TNNI3K: variants seen among roughly 807,000 people sequenced by gnomAD.
The protein encoded by TNNI3K is serine/threonine-protein kinase TNNI3K.
TNNI3K carries 140 observed loss-of-function variants against 114.5 expected under a neutral mutation model. That is an observed-to-expected ratio of 1.22 (90% CI 1.07 to 1.41). The LOEUF is 1.41. Ranked by LOEUF, TNNI3K falls within the 40% of genes most tolerant of loss-of-function variation. The pLI is 0.00. For synonymous variants in TNNI3K, 347 were observed against 347.5 expected (o/e 1.00, Z 0.02); for missense variants, 1,125 against 1,007.6 (o/e 1.12, Z -1.58).
At chr1:74,353,170 T>A in intron 9 of TNNI3K, 96 bp from the exon 10 acceptor site, 1 of 1,270,690 alleles carries the variant, frequency 7.9e-7, no homozygotes, top group Admixed American at 2.3e-5. Flanking sequence ...GGGTTATAAC[T>A]TCAGCATATG....
intron 4 of TNNI3K, among the ~76,000 whole-genome samples, chr1:74,266,078 C>CA (rs1655965839): frequency 6.6e-6 from 1 of 152,020 alleles, no homozygotes; most frequent in African/African-American, 2.4e-5. Flanking sequence ...TTATTATTCT[C>CA]ATGGATTCTT....
chr1:74,294,448 G>A (rs1244990414), intron 5 of TNNI3K, among the ~76,000 whole-genome samples: 1 of 151,934 alleles, frequency 6.6e-6, no homozygotes, highest in Non-Finnish European at 1.5e-5. Context: ...ACTGACACTG[G>A]CTCAGGGTGC....
intron 17 of TNNI3K, among the ~76,000 whole-genome samples, chr1:74,398,848 A>G (rs951380407): frequency 8.5e-5 from 13 of 152,076 alleles, no homozygotes; most frequent in African/African-American, 3.1e-4. Flanking sequence ...CTCAAAAAGC[A>G]TACTACTAAA....
chr1:74,408,197 A>G (rs1396989001), intron 17 of TNNI3K, among the ~76,000 whole-genome samples: 2 of 152,208 alleles, frequency 1.3e-5, no homozygotes, highest in Non-Finnish European at 2.9e-5. Flanking sequence ...AATACAGTGC[A>G]TGGGTAGGAC....
intron 11 of TNNI3K, among the ~76,000 whole-genome samples, chr1:74,360,531 C>T (rs1410866491): frequency 2.6e-5 from 4 of 152,054 alleles, no homozygotes; most frequent in East Asian, 3.9e-4. Context: ...CCTGTGAGGC[C>T]GTGTCACTTC....
intron 21 of TNNI3K, chr1:74,470,273 C>G: frequency 2.5e-6 from 1 of 400,634 alleles, no homozygotes; most frequent in Admixed American, 4.4e-5. Flanking sequence ...GTTCCATTTT[C>G]CCAAGTTTGC....
chr1:74,506,917 A>G (rs1375265130), intron 23 of TNNI3K, among the ~76,000 whole-genome samples: 1 of 152,022 alleles, frequency 6.6e-6, no homozygotes, highest in Admixed American at 6.6e-5. Context: ...TTCATTTACC[A>G]CTTTCTACTT....
intron 23 of TNNI3K, among the ~76,000 whole-genome samples, chr1:74,532,805 G>A (rs1368407556): frequency 6.6e-6 from 1 of 151,986 alleles, no homozygotes; most frequent in Non-Finnish European, 1.5e-5. Context: ...AGAAAAACAA[G>A]CAATGGGGAA....
intron 5 of TNNI3K, among the ~76,000 whole-genome samples, chr1:74,284,508 T>C (rs1243879235): frequency 1.3e-5 from 2 of 152,218 alleles, no homozygotes; most frequent in Non-Finnish European, 2.9e-5. Context: ...GTTTTTGCCA[T>C]TATTTTTAAT....
At chr1:74,279,265 C>G (rs77150073) in intron 5 of TNNI3K, among the ~76,000 whole-genome samples, 4,756 of 152,278 alleles carry the variant, frequency 0.031, 262 homozygotes, top group African/African-American at 0.11. Flanking sequence ...CAGGCTCACT[C>G]TTTGCATTCT....
At chr1:74,410,432 A>G (rs982500111) in intron 17 of TNNI3K, among the ~76,000 whole-genome samples, 3 of 152,208 alleles carry the variant, frequency 2.0e-5, no homozygotes, top group East Asian at 3.8e-4. Context: ...GGCTCCCTCA[A>G]TATATGAATC....
chr1:74,516,424 C>T (rs893537302), intron 23 of TNNI3K, among the ~76,000 whole-genome samples: 3 of 152,114 alleles, frequency 2.0e-5, no homozygotes, highest in South Asian at 2.1e-4. Context: ...ATATCAAATC[C>T]GTACAATACA....
intron 23 of TNNI3K, among the ~76,000 whole-genome samples, chr1:74,525,796 G>A (rs1307126826): frequency 6.6e-6 from 1 of 152,286 alleles, no homozygotes; most frequent in South Asian, 2.1e-4. Flanking sequence ...AGTTGGCCCA[G>A]CAGGAAATGT....
intron 23 of TNNI3K, among the ~76,000 whole-genome samples, chr1:74,535,671 C>T (rs910947282): frequency 1.3e-5 from 2 of 152,116 alleles, no homozygotes; most frequent in African/African-American, 4.8e-5. Context: ...TATTTTTGGA[C>T]AGTTCTAATC....
intron 5 of TNNI3K, among the ~76,000 whole-genome samples, chr1:74,309,210 T>C (rs1412473631): frequency 1.4e-5 from 2 of 147,242 alleles, no homozygotes; most frequent in Non-Finnish European, 3.0e-5. Context: ...CTACTAAAAA[T>C]ACAAAAAATT....
intron 5 of TNNI3K, among the ~76,000 whole-genome samples, chr1:74,300,298 T>C (rs1658244196): frequency 6.6e-6 from 1 of 152,214 alleles, no homozygotes; most frequent in Admixed American, 6.5e-5. Context: ...GACACCTACA[T>C]ATGTGCTCAC....
intron 21 of TNNI3K, chr1:74,483,444 C>G: frequency 1.5e-6 from 1 of 669,758 alleles, no homozygotes; most frequent in South Asian, 1.6e-5. Context: ...TCTGTACATA[C>G]AGGTCATGAG....
chr1:74,397,344 T>A (rs1427110089), intron 17 of TNNI3K, among the ~76,000 whole-genome samples: 1 of 151,318 alleles, frequency 6.6e-6, no homozygotes, highest in Non-Finnish European at 1.5e-5. Flanking sequence ...AGAGAGAGAA[T>A]GGCAATAAAT....
Position 74,461,330 on chromosome 1 carries a change from AT to A in TNNI3K, c.2012-2109del, listed in dbSNP as rs1219464205. Among the ~76,000 whole-genome samples, 5 of 152,216 alleles carry A rather than the reference AT, an allele frequency of 3.3e-5. No homozygotes were observed. In the East Asian group the frequency reaches 7.7e-4, roughly 24 times the overall value. On this transcript the variant is annotated intron_variant, in intron 20 of 24. Coordinates refer to ENST00000326637, the MANE Select transcript of TNNI3K (RefSeq NM_015978.3). ...CCATCTCTACTAAAAATACAAAAAAATTAGCTGGGGGTGGTGGCATGTGCCT... is the reference window on the plus strand; with the variant it reads ...CCATCTCTACTAAAAATACAAAAAAATAGCTGGGGGTGGTGGCATGTGCCT...
Sources: gnomAD v4.1 joint callset for allele counts (sites outside exome capture counted in the v4.1 genomes callset) on GRCh38, gnomAD v4.1.1 for gene constraint, MANE v1.5 for transcripts, NCBI Gene and HGNC (gene_info 2026-07-23, HGNC 2026-07-21) for gene names.